Variants in JPH1 observed in about 807,000 individuals in gnomAD.
JPH1 encodes junctophilin-1.
JPH1 carries 12 observed loss-of-function variants against 53.6 expected under a neutral mutation model. That is an observed-to-expected ratio of 0.22 (90% CI 0.14 to 0.36). JPH1 has a LOEUF of 0.36. JPH1 is among the 10% of genes least tolerant of loss of function. JPH1 has a pLI of 1.00. For missense variants in JPH1, 808 were observed against 905.5 expected (o/e 0.89, Z 1.38); for synonymous variants, 375 against 363.8 (o/e 1.03, Z -0.35).
chr8:74,316,167 A>G (rs1808151789), intron 1 of JPH1, among the ~76,000 whole-genome samples: 1 of 152,208 alleles, frequency 6.6e-6, no homozygotes, highest in African/African-American at 2.4e-5. Context: ...TACATTCAGC[A>G]TCTCTTTTTT....
At chr8:74,303,999 C>T (rs917362502) in intron 2 of JPH1, among the ~76,000 whole-genome samples, 3 of 152,356 alleles carry the variant, frequency 2.0e-5, no homozygotes, top group African/African-American at 7.2e-5. Flanking sequence ...ACCCCAAATA[C>T]ACATGGTCCA....
At chr8:74,303,112 TG>T (rs1397967360) in intron 2 of JPH1, among the ~76,000 whole-genome samples, 17 of 152,328 alleles carry the variant, frequency 1.1e-4, no homozygotes, top group African/African-American at 4.1e-4. Flanking sequence ...AGTCACTTAA[TG>T]TGAGAACTGC....
chr8:74,309,162 T>C (rs1807919566), intron 2 of JPH1, among the ~76,000 whole-genome samples: 1 of 152,116 alleles, frequency 6.6e-6, no homozygotes, highest in Admixed American at 6.5e-5. Flanking sequence ...CATAGTCCCA[T>C]GCGACTGGCC....
intron 2 of JPH1, among the ~76,000 whole-genome samples, chr8:74,268,885 T>C (rs1213054756): frequency 2.6e-5 from 4 of 152,202 alleles, no homozygotes; most frequent in Admixed American, 1.3e-4. Context: ...GATCATAAAC[T>C]GATCTCATCT....
intron 2 of JPH1, among the ~76,000 whole-genome samples, chr8:74,296,045 C>CACACACACACACACACACG (rs3221275): frequency 6.6e-6 from 1 of 151,874 alleles, no homozygotes; most frequent in Non-Finnish European, 1.5e-5. Flanking sequence ...CACACACACA[C>CACACACACACACACACACG]GGAGTATTGG....
At chr8:74,251,473 A>G (rs909442147) in intron 3 of JPH1, among the ~76,000 whole-genome samples, 5 of 152,144 alleles carry the variant, frequency 3.3e-5, no homozygotes, top group African/African-American at 9.7e-5. Context: ...ACTAATGGCA[A>G]TTTAGGTTTC....
At chr8:74,296,573 AG>A (rs1305017551) in intron 2 of JPH1, among the ~76,000 whole-genome samples, 2 of 152,206 alleles carry the variant, frequency 1.3e-5, no homozygotes, top group Admixed American at 1.3e-4. Flanking sequence ...GAAAACTCAA[AG>A]GAAAAAAGTT....
At position 74,234,872 on chromosome 8, in the gene JPH1, T is replaced by G. The variant is rs1283325381; in HGVS notation, c.*2179A>C. 6.6e-6 allele frequency: 1 copy of G among 152,652 alleles called. No individual in the cohort carries two copies. The highest frequency in any genetic ancestry group is 2.4e-5 in the African/African-American group (1 of 41,450). 9.5% of individuals were successfully genotyped at this position (152,652 alleles called of 1,614,324 possible). A position where few individuals can be genotyped will look rare whatever the true frequency, so the allele number is the denominator to read the frequency against. On this transcript the variant is annotated 3_prime_UTR_variant, in exon 6 of 6. Transcript: ENST00000342232. ...TGTTTTATTAAGTACATTGGCAGACTTCATGTGCTGTCCAAAATGTTGAGT... is the reference window on the plus strand; with the variant it reads ...TGTTTTATTAAGTACATTGGCAGACGTCATGTGCTGTCCAAAATGTTGAGT...
intron 2 of JPH1, among the ~76,000 whole-genome samples, chr8:74,266,984 T>C (rs914102887): frequency 2.3e-4 from 35 of 152,194 alleles, no homozygotes; most frequent in African/African-American, 8.0e-4. Flanking sequence ...ATGGAGGCTG[T>C]CTTCAACAAA....
rs771740296 is a variant in JPH1, at chr8:74,315,388, C to A, written c.612G>T (p.Ala204=). 1 of 1,612,558 alleles carries A rather than the reference C, an allele frequency of 6.2e-7. No individual in the cohort carries two copies. The highest frequency in any genetic ancestry group is 8.5e-7 in the Non-Finnish European group (1 of 1,179,954). ...VLNFHADAEL[A]GKKKGGLFRR... ...GGAAGAGGCCGCCCTTCTTCTTGCCCGCTAGCTCAGCGTCTGCGTGGAAGT... is the reference window on the plus strand; with the variant it reads ...GGAAGAGGCCGCCCTTCTTCTTGCCAGCTAGCTCAGCGTCTGCGTGGAAGT... The change falls in exon 2 of 6, where the codon GCG becomes GCT. Residue 204 remains alanine, a synonymous_variant. Coordinates refer to ENST00000342232, the MANE Select transcript of JPH1 (RefSeq NM_020647.4). This position sits in a 1 kb window ranked among gnomAD's most constrained non-coding sequence, Gnocchi z 6.3.
intron 2 of JPH1, among the ~76,000 whole-genome samples, chr8:74,267,999 G>A (rs1487119382): frequency 6.6e-6 from 1 of 152,136 alleles, no homozygotes; most frequent in African/African-American, 2.4e-5. Flanking sequence ...AGTGTTGTGG[G>A]CTTTGGAACC....
At chr8:74,283,832 T>TA (rs537974174) in intron 2 of JPH1, among the ~76,000 whole-genome samples, 77 of 152,308 alleles carry the variant, frequency 5.1e-4, no homozygotes, top group Admixed American at 3.4e-3. Context: ...TTTAGTCCCA[T>TA]AAAAAATGCT....
chr8:74,255,745 A>T (rs1021455811), intron 3 of JPH1, among the ~76,000 whole-genome samples: 1 of 152,254 alleles, frequency 6.6e-6, no homozygotes, highest in Non-Finnish European at 1.5e-5. Context: ...ATGAACAGAC[A>T]CTTCTCAAAA....
chr8:74,253,988 T>G (rs1280143591), intron 3 of JPH1, among the ~76,000 whole-genome samples: 2 of 152,120 alleles, frequency 1.3e-5, no homozygotes, highest in Non-Finnish European at 2.9e-5. Context: ...GTACCATTCC[T>G]TCTGAAACCA....
intron 3 of JPH1, among the ~76,000 whole-genome samples, chr8:74,250,336 T>C (rs566376120): frequency 9.2e-5 from 14 of 152,294 alleles, no homozygotes; most frequent in Admixed American, 5.2e-4. Context: ...TTTCACCATG[T>C]TGGTCAGGCT....
At chr8:74,289,033 T>C (rs1490050238) in intron 2 of JPH1, among the ~76,000 whole-genome samples, 1 of 152,196 alleles carries the variant, frequency 6.6e-6, no homozygotes, top group African/African-American at 2.4e-5. Flanking sequence ...CTCACCCATC[T>C]GTGAAGGGAG....
intron 2 of JPH1, among the ~76,000 whole-genome samples, chr8:74,277,769 G>A (rs763939351): frequency 6.6e-6 from 1 of 152,014 alleles, no homozygotes; most frequent in Non-Finnish European, 1.5e-5. Flanking sequence ...GGCAATGCTG[G>A]GCAAAGAATG....
chr8:74,262,810 T>A lies in JPH1; in HGVS notation c.1140-3307A>T, dbSNP rs567012024. Among the ~76,000 whole-genome samples, 79 of 152,352 alleles carry A rather than the reference T, an allele frequency of 5.2e-4. No homozygotes were observed. In the South Asian group the frequency reaches 0.016, roughly 31 times the overall value. On this transcript the variant is annotated intron_variant, in intron 2 of 5. Coordinates refer to ENST00000342232, the MANE Select transcript of JPH1 (RefSeq NM_020647.4). The stretch of plus-strand genomic sequence containing the variant: ...GAGCTGGTTATGCTCACTGAGCAGC[T>A]ATGGAACTCCCTCCTGGACATAAGC...
rs1808125789 is a variant in JPH1, at chr8:74,315,463, G to T, written c.537C>A (p.Ala179=). ...EQSNGSVLHD[A]AAAADSPAGT... The stretch of plus-strand genomic sequence containing the variant: ...CGGCCGGGCTGTCGGCGGCGGCTGC[G>T]GCGTCGTGGAGCACGCTGCCATTGC... The change falls in exon 2 of 6, where the codon GCC becomes GCA. Residue 179 remains alanine (A), a synonymous_variant. Coordinates refer to ENST00000342232, the MANE Select transcript of JPH1 (RefSeq NM_020647.4). This position sits in a 1 kb window ranked among gnomAD's most constrained non-coding sequence, Gnocchi z 6.3. 1 of 1,608,138 alleles carries T rather than the reference G, an allele frequency of 6.2e-7. No individual in the cohort carries two copies. The highest frequency in any genetic ancestry group is 1.3e-5 in the African/African-American group (1 of 74,704).
Sources: allele counts gnomAD v4.1 joint callset (sites outside exome capture counted in the v4.1 genomes callset), GRCh38; gene constraint gnomAD v4.1.1; non-coding constraint Gnocchi (gnomAD v3.1); transcripts MANE v1.5; gene names NCBI Gene and HGNC (gene_info 2026-07-23, HGNC 2026-07-21).